Variants in ODC1 observed in about 807,000 individuals in gnomAD.
ODC1 encodes ornithine decarboxylase 1, also known as ornithine decarboxylase.
ODC1 carries 18 observed loss-of-function variants against 41.5 expected under a neutral mutation model. The ratio of observed to expected loss-of-function variants is 0.43; its 90% CI spans 0.30 to 0.64. The LOEUF (loss-of-function observed/expected upper bound fraction) is 0.64, where lower values mean the gene tolerates loss of function less well. Ranked by LOEUF, ODC1 falls within the 30% of genes least tolerant of loss-of-function variation. The pLI, the probability that ODC1 is intolerant of heterozygous loss-of-function variation, is 0.11. For synonymous variants in ODC1, 218 were observed against 211.6 expected, an observed-to-expected ratio of 1.03 and a Z score of -0.26; for missense variants, 504 against 589.0, an observed-to-expected ratio of 0.86 and a Z score of 1.49.
intron 1 of ODC1, chr2:10,446,851 T>C (rs1259234187): frequency 2.4e-5 from 6 of 254,530 alleles, no homozygotes; most frequent in Middle Eastern, 4.3e-4. Context: ...AACCCATGCA[T>C]AGAATTTGCT....
chr2:10,444,502 G>A lies in ODC1; in HGVS notation c.248C>T (p.Thr83Ile), dbSNP rs2148070295. The A allele has an allele frequency of 6.2e-7, 1 of 1,613,160 alleles. No homozygotes were observed. The highest frequency in any genetic ancestry group is 8.5e-7 in the Non-Finnish European group (1 of 1,179,742). ...SKAIVKTLAA[T>I]GTGFDCASKT... ...GCTAGCACAGTCAAATCCTGTCCCG[G>A]TAGCAGCAAGGGTCTTCACGATGGC... The change falls in exon 4 of 12, where the codon ACC (threonine) becomes ATC (isoleucine). Residue 83 changes from threonine (T) to isoleucine (I), a missense_variant. By Grantham distance (89) the Thr-to-Ile change is moderately conservative (BLOSUM62 -1). This residue lies in a region of ODC1 where 447 missense variants were observed against 524.4 expected (regional missense o/e 0.85). Transcript: ENST00000234111.
chr2:10,447,589 T>C (rs1033025898), intron 1 of ODC1: 6 of 152,290 alleles, frequency 3.9e-5, no homozygotes, highest in African/African-American at 1.4e-4. Context: ...GCATCTAATA[T>C]CACAGCTACT....
rs187187788 is a variant in ODC1 at position 10,445,171 on chromosome 2, T to C, written c.-34A>G. 31 of 601,974 alleles carry C rather than the reference T, an allele frequency of 5.1e-5. No homozygotes were observed. The highest frequency in any genetic ancestry group is 8.8e-5 in the Admixed American group (3 of 34,206). The allele number at this position is 601,974 out of a possible 1,614,324, so 37.3% of individuals were successfully genotyped here. On this transcript the variant is annotated 5_prime_UTR_variant, in exon 2 of 12. Coordinates refer to ENST00000234111, the MANE Select transcript of ODC1 (RefSeq NM_002539.3). ...AATACTTACATGGAAAACTAAGAGA[T>C]GGAATTGAAAGAAATATTTCCAGCT...
Position 10,440,642 on chromosome 2 carries a change from A to C in ODC1, c.*82T>G. Reference sequence around the variant, plus strand: ...CCTACTCTTACAAAGACATTTCAAAACTAGCAGTAATTAAGTTACATGGTC... The same window carrying C: ...CCTACTCTTACAAAGACATTTCAAACCTAGCAGTAATTAAGTTACATGGTC... On this transcript the variant is annotated 3_prime_UTR_variant, in exon 12 of 12. Coordinates refer to ENST00000234111, the MANE Select transcript of ODC1 (RefSeq NM_002539.3). The C allele has an allele frequency of 6.9e-7, 1 of 1,441,314 alleles. No individual in the cohort carries two copies. The highest frequency in any genetic ancestry group is 1.3e-5 in the South Asian group (1 of 79,728). The allele number at this position is 1,441,314 out of a possible 1,614,324, so 89.3% of individuals were successfully genotyped here. A position where few individuals can be genotyped will look rare whatever the true frequency, so the allele number is the denominator to read the frequency against.
At chr2:10,444,427 C>A in intron 4 of ODC1, 47 bp downstream of exon 4, 2 of 1,552,664 alleles carry the variant, frequency 1.3e-6, no homozygotes, top group Non-Finnish European at 1.7e-6. Context: ...TGGGGAATAC[C>A]AGGCCCATTT....
intron 1 of ODC1, among the ~76,000 whole-genome samples, chr2:10,445,771 G>A (rs966227706): frequency 2.0e-5 from 3 of 152,076 alleles, no homozygotes; most frequent in Non-Finnish European, 4.4e-5. Flanking sequence ...CAGCAGCTGG[G>A]ATTACAGGCG....
rs769360745 is a variant in ODC1 at position 10,443,317 on chromosome 2, G to C, written c.667-4C>G. The stretch of plus-strand genomic sequence containing the variant: ...ACATGCTGAAACCAACCTCAGCCTA[G>C]AATCAAGAAAATAAGTCAGCCAGAT... On this transcript the variant is annotated splice_polypyrimidine_tract_variant and splice_region_variant and intron_variant, in intron 7 of 11. Transcript: ENST00000234111. The C allele has an allele frequency of 4.4e-6, 7 of 1,608,626 alleles. No homozygotes were observed. In the Admixed American group the frequency reaches 5.1e-5, roughly 12 times the overall value.
At position 10,443,691 on chromosome 2, in the gene ODC1, C is replaced by T. The variant is rs1572144518; in HGVS notation, c.584+11G>A. The stretch of plus-strand genomic sequence containing the variant: ...ATGTCTTGACCTCTAGCTATCCCAC[C>T]AAAATCTCACCTGACACCAACAACA... On this transcript the variant is annotated intron_variant, in intron 6 of 11. Coordinates refer to ENST00000234111, the MANE Select transcript of ODC1 (RefSeq NM_002539.3). 1 of 1,613,688 alleles carries T rather than the reference C, an allele frequency of 6.2e-7. No individual in the cohort carries two copies. The highest frequency in any genetic ancestry group is 8.5e-7 in the Non-Finnish European group (1 of 1,179,624).
chr2:10,441,905 G>A lies in ODC1; in HGVS notation c.938C>T (p.Thr313Ile). 1 of 1,614,028 alleles carries A rather than the reference G, an allele frequency of 6.2e-7. No homozygotes were observed. The change falls in exon 10 of 12, where the codon ACC becomes ATC. Residue 313 changes from threonine to isoleucine, a missense_variant. Thr to Ile is a moderately conservative substitution (Grantham distance 89). Around this residue, in one of 3 missense-constraint regions of ODC1, gnomAD observed 447 missense variants for 524.4 expected, o/e 0.85. Transcript: ENST00000234111. ...GCCATCATTCACATAATACATAAAG[G>A]TCTGCTCACTCGACTCATCTTCGTC... ...SDDEDESSEQTFMYYVNDGVY... is the reference protein window; with the variant it reads ...SDDEDESSEQIFMYYVNDGVY...
At chr2:10,447,026 A>C (rs1363202173) in intron 1 of ODC1, among the ~76,000 whole-genome samples, 1 of 152,252 alleles carries the variant, frequency 6.6e-6, no homozygotes, top group African/African-American at 2.4e-5. Flanking sequence ...TTTAATAATA[A>C]ATAGGCTCAT....
At position 10,444,112 on chromosome 2, in the gene ODC1, T is replaced by C. The variant is rs894733406; in HGVS notation, c.432A>G (p.Arg144=). 6.2e-7 allele frequency: 1 copy of C among 1,603,620 alleles called. No individual in the cohort carries two copies. Among genetic ancestry groups the C allele is most frequent in the Non-Finnish European group, 8.5e-7 (1 of 1,175,054 alleles). Residue 144 remains arginine (R), a synonymous_variant, in exon 5 of 12, where the codon AGA becomes AGG. Transcript: ENST00000234111. ...TAACTCACTTTGCTTTGGGATGTGC[T>C]CTGGCAACTTTCATCAACTCAACTT... The part of the protein sequence containing the change: ...DSEVELMKVA[R]AHPKAKLVLR...
Position 10,440,806 on chromosome 2 carries a change from C to T in ODC1, c.1304G>A (p.Ser435Asn). The T allele has an allele frequency of 6.2e-7, 1 of 1,614,154 alleles. No homozygotes were observed. The highest frequency in any genetic ancestry group is 8.5e-7 in the Non-Finnish European group (1 of 1,180,034). ...CCAGGCACAAGACACAGGCAGGGTG[C>T]TGGCATCCTGTTCCTCTACTTCGGG... ...FPPEVEEQDASTLPVSCAWES... is the reference protein window; with the variant it reads ...FPPEVEEQDANTLPVSCAWES... The change falls in exon 12 of 12, where the codon AGC (serine) becomes AAC (asparagine). Residue 435 changes from serine (S) to asparagine (N), a missense_variant. Physicochemically the swap from Ser to Asn is conservative, Grantham distance 46. Coordinates refer to ENST00000234111, the MANE Select transcript of ODC1 (RefSeq NM_002539.3).
intron 1 of ODC1, chr2:10,447,808 C>A (rs1404175369): frequency 6.6e-6 from 1 of 152,354 alleles, no homozygotes; most frequent in Non-Finnish European, 1.5e-5. Context: ...CCGGCCAGCG[C>A]GCGGCCGCCG....
At chr2:10,444,745 G>T in intron 3 of ODC1, 98 bp from the exon 4 acceptor site, 2 of 1,098,670 alleles carry the variant, frequency 1.8e-6, no homozygotes, top group South Asian at 1.5e-5. Flanking sequence ...AATGAATCCT[G>T]CTCTTTTGAG....
chr2:10,442,806 G>A (rs1487480387), intron 8 of ODC1, among the ~76,000 whole-genome samples: 1 of 152,052 alleles, frequency 6.6e-6, no homozygotes, highest in Admixed American at 6.6e-5. Context: ...AACCTCCTGG[G>A]CTCAAGTGAT....
rs1671788265 is a variant in ODC1, at chr2:10,440,606, A to T, written c.*118T>A. On this transcript the variant is annotated 3_prime_UTR_variant, in exon 12 of 12. Coordinates refer to ENST00000234111, the MANE Select transcript of ODC1 (RefSeq NM_002539.3). ...ATATCCTAGTCTTCCATATGGCTGC[A>T]TCATGGCGACCCTACTCTTACAAAG... 3.0e-6 allele frequency: 3 copies of T among 1,005,808 alleles called. No homozygotes were observed. The highest frequency in any genetic ancestry group is 4.4e-6 in the Non-Finnish European group (3 of 685,980). The allele number at this position is 1,005,808 out of a possible 1,614,324, so 62.3% of individuals were successfully genotyped here. A position where few individuals can be genotyped will look rare whatever the true frequency, so the allele number is the denominator to read the frequency against.
At chr2:10,446,104 A>C (rs1170654969) in intron 1 of ODC1, among the ~76,000 whole-genome samples, 2 of 151,280 alleles carry the variant, frequency 1.3e-5, no homozygotes, top group African/African-American at 2.4e-5. Context: ...ATTGTATTAC[A>C]GTTGCTGTTA....
At chr2:10,447,960 C>A (rs985783227) in intron 1 of ODC1, among the ~76,000 whole-genome samples, 161 bp downstream of exon 1, 2 of 152,060 alleles carry the variant, frequency 1.3e-5, no homozygotes, top group Admixed American at 6.5e-5. Context: ...AACCCCGGGC[C>A]GGGAGGAAGC....
intron 8 of ODC1, among the ~76,000 whole-genome samples, chr2:10,443,022 T>C (rs1272098961): frequency 6.6e-6 from 1 of 152,168 alleles, no homozygotes; most frequent in Middle Eastern, 3.2e-3. Context: ...TAACCAATTA[T>C]CCAAGACTTC....
Sources: allele counts gnomAD v4.1 joint callset (sites outside exome capture counted in the v4.1 genomes callset), GRCh38; gene constraint gnomAD v4.1.1; regional missense constraint gnomAD v4.1.1; transcripts MANE v1.5; gene names NCBI Gene and HGNC (gene_info 2026-07-23, HGNC 2026-07-21).